The following GOLGA1 variants were observed in gnomAD, a reference collection of about 807,000 sequenced individuals.
GOLGA1 encodes the protein golgin A1.
In GOLGA1, 63 loss-of-function variants were observed where a neutral mutation model predicts 119.7. The observed-to-expected ratio is 0.53, with a 90% CI of 0.43 to 0.65. The LOEUF is 0.65. Among genes scored for constraint, GOLGA1 ranks in the 30% least tolerant of loss-of-function variants. The probability of loss-of-function intolerance (pLI) is 0.00; values close to 1 mark genes in which losing one functional copy is unlikely to be tolerated. For synonymous variants in GOLGA1, 318 were observed against 333.4 expected (o/e 0.95, Z 0.50); for missense variants, 798 against 912.8 (o/e 0.87, Z 1.62).
intron 10 of GOLGA1, among the ~76,000 whole-genome samples, chr9:124,915,232 T>G (rs1197594204): frequency 6.6e-6 from 1 of 152,148 alleles, no homozygotes. Context: ...TCTTGACAAA[T>G]CATTTAGCCT....
At chr9:124,932,760 A>C (rs1830792952) in intron 3 of GOLGA1, among the ~76,000 whole-genome samples, 1 of 152,206 alleles carries the variant, frequency 6.6e-6, no homozygotes, top group African/African-American at 2.4e-5. Context: ...GAAGTCCAAA[A>C]TTAAGGTGCC....
intron 19 of GOLGA1, chr9:124,887,561 T>C (rs1829752003): frequency 6.6e-6 from 1 of 152,192 alleles, no homozygotes; most frequent in Non-Finnish European, 1.5e-5. Flanking sequence ...CTGTATTTTA[T>C]ATTAGACATA....
chr9:124,942,452 C>G (rs1158145691), upstream of GOLGA1, among the ~76,000 whole-genome samples: 1 of 152,152 alleles, frequency 6.6e-6, no homozygotes, highest in Non-Finnish European at 1.5e-5. Context: ...CAGTTCTGAC[C>G]TGCAGGAGCA....
In GOLGA1 at chr9:124,895,608, A is replaced by AGAGCCTCCACGACAGG. The variant is rs1287450976; in HGVS notation, c.1407+2925_1407+2940dup. On this transcript the variant is annotated intron_variant, in intron 15 of 22. Transcript: ENST00000373555. ...CCACGACAGAGACCCTCCACGACAG[A>AGAGCCTCCACGACAGG]GAGCCTCCACGACAGGGAGCCTCCA... is the stretch of plus-strand genomic sequence containing the variant. 6.0e-5 allele frequency among the ~76,000 whole-genome samples: 9 copies of AGAGCCTCCACGACAGG among 149,400 alleles called. 1 individual carries two copies. Among genetic ancestry groups the AGAGCCTCCACGACAGG allele is most frequent in the South Asian group, 4.4e-4 (2 of 4,594 alleles).
chr9:124,903,078 G>T (rs1458604641), intron 12 of GOLGA1, among the ~76,000 whole-genome samples: 1 of 152,064 alleles, frequency 6.6e-6, no homozygotes, highest in East Asian at 1.9e-4. Flanking sequence ...TTATTCCTAG[G>T]TATACACTGA....
In GOLGA1 at chr9:124,908,426, A is replaced by C; in HGVS notation, c.1016T>G (p.Leu339Trp). 1 of 1,612,154 alleles carries C rather than the reference A, an allele frequency of 6.2e-7. No homozygotes were observed. Among genetic ancestry groups the C allele is most frequent in the South Asian group, 1.1e-5 (1 of 91,052 alleles). Residue 339 changes from leucine to tryptophan, a missense_variant, in exon 12 of 23, where the codon TTG becomes TGG. Leu to Trp is a moderately conservative substitution (Grantham distance 61). Coordinates refer to ENST00000373555, the MANE Select transcript of GOLGA1 (RefSeq NM_002077.4). ...CTTAGCCTGGCTGCTTCTGGCTGCC[A>C]AGAGCTGTTGTCTGGTATCCTCCAA... ...QNLEDTRQQL[L>W]AARSSQAKAI...
At chr9:124,893,106 C>T (rs1829895578) in intron 15 of GOLGA1, among the ~76,000 whole-genome samples, 4 of 152,178 alleles carry the variant, frequency 2.6e-5, no homozygotes, top group East Asian at 1.9e-4. Context: ...CTCAAGAGAG[C>T]GTCCTGCCCC....
intron 19 of GOLGA1, among the ~76,000 whole-genome samples, chr9:124,883,303 A>T (rs1588053301): frequency 1.4e-5 from 2 of 138,724 alleles, no homozygotes; most frequent in Admixed American, 7.3e-5. Context: ...TTTTTTTTTT[A>T]AGATGGAGTT....
At position 124,889,089 on chromosome 9, in the gene GOLGA1, G is replaced by A. The variant is rs572293647; in HGVS notation, c.1761+54C>T. On this transcript the variant is annotated intron_variant, in intron 18 of 22. Coordinates refer to ENST00000373555, the MANE Select transcript of GOLGA1 (RefSeq NM_002077.4). The stretch of plus-strand genomic sequence containing the variant: ...CTGCTGCCTCCTTAGGGGCACTCTC[G>A]GCACCTGCCCTGCATCTTGCTGTAG... 25 of 1,456,118 alleles carry A rather than the reference G, an allele frequency of 1.7e-5. No individual in the cohort carries two copies. In the East Asian group the frequency reaches 1.8e-4, roughly 11 times the overall value. 90.2% of individuals were successfully genotyped at this position (1,456,118 alleles called of 1,614,324 possible). A position where few individuals can be genotyped will look rare whatever the true frequency, so the allele number is the denominator to read the frequency against.
intron 13 of GOLGA1, 118 bp from the exon 14 acceptor site, chr9:124,899,596 T>TC: frequency 9.6e-7 from 1 of 1,041,948 alleles, no homozygotes; most frequent in Non-Finnish European, 1.4e-6. Context: ...CCTGACCCCA[T>TC]CCCCCCTGGC....
intron 3 of GOLGA1, 94 bp downstream of exon 3, chr9:124,938,483 A>C: frequency 9.5e-7 from 1 of 1,056,242 alleles, no homozygotes; most frequent in East Asian, 2.4e-5. Flanking sequence ...ACAGCTATAA[A>C]CCATGAAAGG....
At chr9:124,924,433 C>T (rs1228903323) in intron 7 of GOLGA1, among the ~76,000 whole-genome samples, 1 of 151,418 alleles carries the variant, frequency 6.6e-6, no homozygotes, top group Non-Finnish European at 1.5e-5. Flanking sequence ...AGTTGGAGAC[C>T]AGCCTGCGCA....
At chr9:124,902,380 G>A (rs975783679) in intron 12 of GOLGA1, among the ~76,000 whole-genome samples, 1 of 151,918 alleles carries the variant, frequency 6.6e-6, no homozygotes, top group Admixed American at 6.6e-5. Flanking sequence ...CCAAAGTGCT[G>A]GGATTACAGG....
rs1307508441 is a variant in GOLGA1, at chr9:124,888,623, G to A, written c.1762-227C>T. ...AGGGGCTTGCTCTCCCCTGCCTACCGACAGGGGTGCCATCTGTGATGGGCT... is the reference window on the plus strand; with the variant it reads ...AGGGGCTTGCTCTCCCCTGCCTACCAACAGGGGTGCCATCTGTGATGGGCT... On this transcript the variant is annotated intron_variant, in intron 18 of 22. Transcript: ENST00000373555. The surrounding 1 kb of genome is among the most constrained non-coding windows in gnomAD (Gnocchi z 4.4). Among the ~76,000 whole-genome samples the A allele has an allele frequency of 3.9e-5, 6 of 152,292 alleles. No homozygotes were observed. The highest frequency in any genetic ancestry group is 2.1e-4 in the South Asian group (1 of 4,818).
At chr9:124,896,086 A>T (rs1481734864) in intron 15 of GOLGA1, among the ~76,000 whole-genome samples, 2 of 152,206 alleles carry the variant, frequency 1.3e-5, no homozygotes, top group Non-Finnish European at 2.9e-5. Context: ...TGTCATCTAC[A>T]ATTCCTATTT....
In GOLGA1 at chr9:124,881,196, A is replaced by T; in HGVS notation, c.2198T>A (p.Met733Lys). Residue 733 changes from methionine to lysine, a missense_variant, in exon 22 of 23, where the codon ATG becomes AAG. Transcript: ENST00000373555. This position sits in a 1 kb window ranked among gnomAD's most constrained non-coding sequence, Gnocchi z 4.9. The stretch of plus-strand genomic sequence containing the variant: ...CTTATATTCCAGAGTTTCCTTGAGC[A>T]TGTTCTCCTCCTCTTGGGAAAAGTT... Reference protein sequence around the residue: ...LLNFSQEEENMLKETLEYKMS... With the variant: ...LLNFSQEEENKLKETLEYKMS... The T allele has an allele frequency of 6.3e-7, 1 of 1,581,350 alleles. No homozygotes were observed. The highest frequency in any genetic ancestry group is 1.7e-5 in the Admixed American group (1 of 59,980).
At chr9:124,915,550 T>A (rs1170346111) in intron 10 of GOLGA1, among the ~76,000 whole-genome samples, 1 of 152,164 alleles carries the variant, frequency 6.6e-6, no homozygotes, top group African/African-American at 2.4e-5. Flanking sequence ...TTTTCCTTCA[T>A]TATAAATGTA....
chr9:124,926,046 C>T (rs149983808), intron 7 of GOLGA1, among the ~76,000 whole-genome samples: 21 of 152,166 alleles, frequency 1.4e-4, no homozygotes, highest in African/African-American at 5.1e-4. Context: ...TTAAGTGTTC[C>T]TAATATTACC....
Position 124,921,133 on chromosome 9 carries a change from T to G in GOLGA1, c.839A>C (p.Gln280Pro), listed in dbSNP as rs771396805. The G allele has an allele frequency of 6.4e-7, 1 of 1,572,196 alleles. No homozygotes were observed. The highest frequency in any genetic ancestry group is 8.8e-7 in the Non-Finnish European group (1 of 1,141,810). Residue 280 changes from glutamine to proline, a missense_variant, in exon 10 of 23, where the codon CAA becomes CCA. Gln to Pro is a moderately conservative substitution (Grantham distance 76). Coordinates refer to ENST00000373555, the MANE Select transcript of GOLGA1 (RefSeq NM_002077.4). ...ALIQQLSIDL[Q>P]KVTAETQEKE... ...TTCTCCTCATATTCTACTTACCTTT[T>G]GCAAATCAATGGAAAGCTGCTGAAT... is the stretch of plus-strand genomic sequence containing the variant.
Sources: allele counts gnomAD v4.1 joint callset (sites outside exome capture counted in the v4.1 genomes callset), GRCh38; gene constraint gnomAD v4.1.1; non-coding constraint Gnocchi (gnomAD v3.1); transcripts MANE v1.5; gene names NCBI Gene and HGNC (gene_info 2026-07-23, HGNC 2026-07-21).